Variants in CTNNA3 observed in about 807,000 individuals in gnomAD.
The protein encoded by CTNNA3 is catenin alpha-3.
A neutral mutation model predicts 95.7 loss-of-function variants in CTNNA3; 76 were observed. That is an observed-to-expected ratio of 0.79 (90% confidence interval 0.66 to 0.96). The LOEUF is 0.96. Among genes scored for constraint, CTNNA3 ranks in the 40% least tolerant of loss-of-function variants. The pLI, the probability that CTNNA3 is intolerant of heterozygous loss-of-function variation, is 0.00. For synonymous variants in CTNNA3, 431 were observed against 374.4 expected, an observed-to-expected ratio of 1.15 and a Z score of -1.74; for missense variants, 1,191 against 1,089.8, an observed-to-expected ratio of 1.09 and a Z score of -1.31.
intron 5 of CTNNA3, among the ~76,000 whole-genome samples, chr10:67,502,254 T>TG (rs878940816): frequency 5.9e-5 from 9 of 152,156 alleles, no homozygotes; most frequent in African/African-American, 2.2e-4. Context: ...TGGTGTTTGC[T>TG]GGGGGTCCAC....
At chr10:67,365,067 A>G (rs1020926160) in intron 5 of CTNNA3, among the ~76,000 whole-genome samples, 5 of 152,088 alleles carry the variant, frequency 3.3e-5, no homozygotes, top group African/African-American at 1.2e-4. Context: ...CAGAAATAAT[A>G]CCACACATCT....
chr10:66,630,679 T>C (rs148166546), intron 9 of CTNNA3, among the ~76,000 whole-genome samples: 1,736 of 152,236 alleles, frequency 0.011, 38 homozygotes, highest in African/African-American at 0.039. Flanking sequence ...GATCTCCCCA[T>C]GTTGGCACCG....
chr10:66,005,367 G>C (rs889770662), intron 15 of CTNNA3, among the ~76,000 whole-genome samples: 1 of 151,876 alleles, frequency 6.6e-6, no homozygotes, highest in Admixed American at 6.6e-5. Context: ...AATCAAAGCA[G>C]TCAGTTGGGA....
chr10:66,407,868 C>T (rs1463612350), intron 11 of CTNNA3, among the ~76,000 whole-genome samples: 3 of 152,272 alleles, frequency 2.0e-5, no homozygotes, highest in South Asian at 2.1e-4. Flanking sequence ...CGTGAGAAAC[C>T]ACACCCGGCC....
Position 65,919,482 on chromosome 10 carries a change from C to T in CTNNA3, c.*848G>A, listed in dbSNP as rs1438957583. ...AAAATAGGGTCATACAGAACTTACA[C>T]TTCTGTTATTATTAATATAACTCAC... On this transcript the variant is annotated 3_prime_UTR_variant, in exon 18 of 18. Coordinates refer to ENST00000433211, the MANE Select transcript of CTNNA3 (RefSeq NM_013266.4). The T allele has an allele frequency of 6.6e-6, 1 of 152,140 alleles. No individual in the cohort carries two copies. The highest frequency in any genetic ancestry group is 1.9e-4 in the East Asian group (1 of 5,202). 9.4% of individuals were successfully genotyped at this position (152,140 alleles called of 1,614,324 possible).
At chr10:67,033,734 C>T (rs973293996) in intron 7 of CTNNA3, among the ~76,000 whole-genome samples, 6 of 152,120 alleles carry the variant, frequency 3.9e-5, no homozygotes, top group Admixed American at 3.3e-4. Flanking sequence ...AAGTAGCCCA[C>T]TTCTAGAATC....
chr10:67,271,438 T>C (rs1357172185), intron 5 of CTNNA3, among the ~76,000 whole-genome samples: 1 of 152,168 alleles, frequency 6.6e-6, no homozygotes, highest in African/African-American at 2.4e-5. Context: ...CTTTGTGTTC[T>C]GCCATGATTG....
intron 13 of CTNNA3, among the ~76,000 whole-genome samples, chr10:66,248,906 C>T (rs2090441652): frequency 1.3e-5 from 2 of 152,004 alleles, no homozygotes; most frequent in African/African-American, 4.8e-5. Context: ...ATTAACACTA[C>T]AAAGCTATAG....
intron 9 of CTNNA3, among the ~76,000 whole-genome samples, chr10:66,626,022 T>C (rs956711160): frequency 6.6e-6 from 1 of 152,168 alleles, no homozygotes; most frequent in African/African-American, 2.4e-5. Context: ...TACCATACTA[T>C]AGGTTAAGTC....
chr10:65,996,603 T>C (rs941601655), intron 15 of CTNNA3, among the ~76,000 whole-genome samples: 1 of 152,124 alleles, frequency 6.6e-6, no homozygotes, highest in Non-Finnish European at 1.5e-5. Context: ...ATAAGCTACC[T>C]ATCTGGAGCG....
At chr10:66,686,457 T>C (rs908628098) in intron 9 of CTNNA3, among the ~76,000 whole-genome samples, 15 of 152,198 alleles carry the variant, frequency 9.9e-5, no homozygotes, top group African/African-American at 2.9e-4. Flanking sequence ...AGTGAGACCC[T>C]GTCTCAAAAA....
rs530284853 is a variant in CTNNA3 at position 67,180,045 on chromosome 10, T to G, written c.1047+272A>C. On this transcript the variant is annotated intron_variant, in intron 7 of 17. Transcript: ENST00000433211. Reference sequence around the variant, plus strand: ...TGCAACTCTAGTTTCCTTTCTCCAATCCTGATTCCCTTCTTCAACTAATAG... The same window carrying G: ...TGCAACTCTAGTTTCCTTTCTCCAAGCCTGATTCCCTTCTTCAACTAATAG... 3.1e-3 allele frequency among the ~76,000 whole-genome samples: 467 copies of G among 152,232 alleles called. 3 individuals carry two copies. The highest frequency in any genetic ancestry group is 5.5e-3 in the Non-Finnish European group (377 of 67,996).
intron 5 of CTNNA3, among the ~76,000 whole-genome samples, chr10:67,264,018 T>A (rs1398099513): frequency 6.8e-6 from 1 of 147,664 alleles, no homozygotes; most frequent in Non-Finnish European, 1.5e-5. Flanking sequence ...AAAGTTTCTT[T>A]AAAAAAAAAA....
chr10:67,115,386 C>T (rs572065144), intron 7 of CTNNA3, among the ~76,000 whole-genome samples: 3 of 151,846 alleles, frequency 2.0e-5, no homozygotes, highest in Admixed American at 2.0e-4. Flanking sequence ...ATACCTAATG[C>T]TAAATGATGA....
chr10:66,542,539 C>A (rs1167186556), intron 10 of CTNNA3, among the ~76,000 whole-genome samples: 1 of 152,052 alleles, frequency 6.6e-6, no homozygotes, highest in Non-Finnish European at 1.5e-5. Flanking sequence ...CACATATACA[C>A]CATGGAATAC....
chr10:67,523,071 C>A (rs1840033093), intron 4 of CTNNA3, among the ~76,000 whole-genome samples: 1 of 152,076 alleles, frequency 6.6e-6, no homozygotes, highest in South Asian at 2.1e-4. Flanking sequence ...TGAAATAAGT[C>A]ATATTAAAAT....
chr10:67,159,121 A>G (rs1861429950), intron 7 of CTNNA3, among the ~76,000 whole-genome samples: 1 of 152,220 alleles, frequency 6.6e-6, no homozygotes, highest in South Asian at 2.1e-4. Flanking sequence ...CAGACATTGT[A>G]TAGAACAACA....
intron 5 of CTNNA3, among the ~76,000 whole-genome samples, chr10:67,249,275 G>A (rs1866016704): frequency 6.6e-6 from 1 of 152,102 alleles, no homozygotes; most frequent in Non-Finnish European, 1.5e-5. Context: ...TGGGCAAAGA[G>A]TCTGCATAGA....
At chr10:66,334,719 G>C (rs935303282) in intron 12 of CTNNA3, among the ~76,000 whole-genome samples, 4 of 151,904 alleles carry the variant, frequency 2.6e-5, no homozygotes, top group Non-Finnish European at 1.5e-5. Context: ...TCTTGGAGTT[G>C]CTCTTCTCGA....
Sources: gnomAD v4.1 joint callset for allele counts (sites outside exome capture counted in the v4.1 genomes callset) on GRCh38, gnomAD v4.1.1 for gene constraint, MANE v1.5 for transcripts, NCBI Gene and HGNC (gene_info 2026-07-23, HGNC 2026-07-21) for gene names.